Variants in NLRC3 observed in about 807,000 individuals in gnomAD.
NLRC3 encodes the protein NLR family CARD domain containing 3.
Under a neutral mutation model 91.6 loss-of-function variants are expected in NLRC3, and 87 were observed. The observed-to-expected ratio is 0.95, with a 90% CI of 0.80 to 1.14. NLRC3 has a LOEUF of 1.14. NLRC3 is among the 50% of genes most tolerant of loss of function. The pLI, the probability that NLRC3 is intolerant of heterozygous loss-of-function variation, is 0.00. For synonymous variants in NLRC3, 694 were observed against 625.3 expected (o/e 1.11, Z -1.64); for missense variants, 1,577 against 1,418.6 (o/e 1.11, Z -1.79).
At chr16:3,576,824 G>A (rs1596506567) in intron 1 of NLRC3, among the ~76,000 whole-genome samples, 1 of 152,178 alleles carries the variant, frequency 6.6e-6, no homozygotes, top group South Asian at 2.1e-4. Flanking sequence ...CTGCCAACAT[G>A]CCTGGCTAAT....
chr16:3,550,418 G>C lies in NLRC3; in HGVS notation c.2431C>G (p.Leu811Val), dbSNP rs1450392071. The C allele has an allele frequency of 1.2e-6, 2 of 1,608,512 alleles. No individual in the cohort carries two copies. The highest frequency in any genetic ancestry group is 1.7e-5 in the Admixed American group (1 of 59,990). Residue 811 changes from leucine (L) to valine (V), a missense_variant, in exon 11 of 20, where the codon CTG becomes GTG. Leu to Val is a conservative substitution (Grantham distance 32). Coordinates refer to ENST00000359128, the MANE Select transcript of NLRC3 (RefSeq NM_178844.4). ...CACCCTGGCAGGTGGACTCACTCCAGGCTCTCCAGGCCCTGGTTCACCTTC... is the reference window on the plus strand; with the variant it reads ...CACCCTGGCAGGTGGACTCACTCCACGCTCTCCAGGCCCTGGTTCACCTTC... ...ALKVNQGLES[L>V]DLQSNSISDA...
intron 3 of NLRC3, 122 bp from the exon 4 acceptor site, chr16:3,565,182 G>A (rs1279918150): frequency 1.3e-6 from 1 of 770,084 alleles, no homozygotes; most frequent in African/African-American, 1.7e-5. Context: ...CAGCCTTTGG[G>A]TGGCCCACTG....
chr16:3,543,467 A>T lies in NLRC3; in HGVS notation c.2897T>A (p.Leu966Gln). Residue 966 changes from leucine (L) to glutamine (Q), a missense_variant, in exon 17 of 20, where the codon CTA (leucine) becomes CAA (glutamine). Transcript: ENST00000359128. ...ASIGASGAQV[L>Q]GEALAVNRTL... is the part of the protein sequence containing the mutation. ...TCTGTTCACAGCCAAGGCTTCCCCTAGCACCTGGGCGCCTGAAGCACCAAT... is the reference window on the plus strand; with the variant it reads ...TCTGTTCACAGCCAAGGCTTCCCCTTGCACCTGGGCGCCTGAAGCACCAAT... 1.2e-6 allele frequency: 2 copies of T among 1,613,412 alleles called. No individual in the cohort carries two copies. The highest frequency in any genetic ancestry group is 1.7e-6 in the Non-Finnish European group (2 of 1,179,654).
chr16:3,558,951 T>A (rs1045421389), intron 6 of NLRC3, among the ~76,000 whole-genome samples: 3 of 152,160 alleles, frequency 2.0e-5, no homozygotes, highest in African/African-American at 7.2e-5. Context: ...TTTTAATTTT[T>A]TGCAGAGACA....
rs372831442 is a variant in NLRC3, at chr16:3,548,732, G to A, written c.2625C>T (p.His875=). The A allele has an allele frequency of 4.6e-5, 73 of 1,604,012 alleles. No individual in the cohort carries two copies. The highest frequency in any genetic ancestry group is 1.9e-4 in the Admixed American group (11 of 58,448). The stretch of plus-strand genomic sequence containing the variant: ...CTGCGATGGCCCGGGCACCCTGGTC[G>A]TGGAGGAGGTTGGCTGTCAGGCTAG... ...KNLDLTANLL[H]DQGARAIAVA... The change falls in exon 14 of 20, where the codon CAC becomes CAT. Residue 875 remains histidine (H), a synonymous_variant. Transcript: ENST00000359128.
intron 1 of NLRC3, among the ~76,000 whole-genome samples, chr16:3,567,749 G>A (rs1216178769): frequency 6.6e-5 from 7 of 105,384 alleles, no homozygotes; most frequent in Admixed American, 1.4e-4. Flanking sequence ...TCCAGCCTGG[G>A]CAACAGAGCG....
At chr16:3,562,876 A>C in intron 5 of NLRC3, 133 bp downstream of exon 5, 3 of 857,206 alleles carry the variant, frequency 3.5e-6, no homozygotes, top group Non-Finnish European at 5.7e-6. Context: ...AGTTGTTTTA[A>C]GCCACCAAGT....
At chr16:3,554,389 C>T in intron 8 of NLRC3, 64 bp from the exon 9 acceptor site, 1 of 1,260,462 alleles carries the variant, frequency 7.9e-7, no homozygotes. Flanking sequence ...GGTCTGAACT[C>T]TCTCTGCAGT....
chr16:3,560,103 C>G (rs933593670), intron 6 of NLRC3, among the ~76,000 whole-genome samples: 1 of 152,024 alleles, frequency 6.6e-6, no homozygotes, highest in Non-Finnish European at 1.5e-5. Flanking sequence ...ACTTCAGAAC[C>G]CAGAGGCTTG....
intron 6 of NLRC3, 140 bp from the exon 7 acceptor site, chr16:3,557,816 C>T: frequency 1.6e-6 from 1 of 620,948 alleles, no homozygotes; most frequent in Non-Finnish European, 2.9e-6. Flanking sequence ...GAGGTGACCC[C>T]TGGAGCAGAA....
intron 5 of NLRC3, 53 bp from the exon 6 acceptor site, chr16:3,561,841 G>T: frequency 7.4e-7 from 1 of 1,360,188 alleles, no homozygotes; most frequent in Non-Finnish European, 1.1e-6. Flanking sequence ...CGGGCAGGGT[G>T]GGGGCCCTGG....
chr16:3,563,142 C>T lies in NLRC3; in HGVS notation c.1795G>A (p.Ala599Thr), dbSNP rs373362956. Residue 599 changes from alanine to threonine, a missense_variant, in exon 5 of 20, where the codon GCG becomes ACG. Ala to Thr is a moderately conservative substitution (Grantham distance 58). Transcript: ENST00000359128. ...SGALARLTGP[A>T]HRAALAYLLQ... ...AGGTAGGCCAGGGCAGCGCGGTGCGCGGGACCAGTCAGCCTGGCCAGGGCC... is the reference window on the plus strand; with the variant it reads ...AGGTAGGCCAGGGCAGCGCGGTGCGTGGGACCAGTCAGCCTGGCCAGGGCC... The T allele has an allele frequency of 1.4e-5, 23 of 1,586,530 alleles. No homozygotes were observed. The highest frequency in any genetic ancestry group is 9.4e-5 in the African/African-American group (7 of 74,644).
chr16:3,543,085 G>A (rs1596422575), intron 17 of NLRC3: 1 of 490,878 alleles, frequency 2.0e-6, no homozygotes, highest in East Asian at 3.6e-5. Flanking sequence ...AGTGCTCCCA[G>A]CAAGGGCAGG....
At chr16:3,559,927 G>A (rs2039529040) in intron 6 of NLRC3, among the ~76,000 whole-genome samples, 1 of 152,088 alleles carries the variant, frequency 6.6e-6, no homozygotes, top group Non-Finnish European at 1.5e-5. Context: ...AAAGGCATGA[G>A]CCACCGCCCC....
rs199475933 is a variant in NLRC3, at chr16:3,564,970, C to T, written c.67G>A (p.Glu23Lys). ...AGATCCATGAGGGCTTTCACCTGCTCGGCTGGGGAGCCCGTACCGTGGCCC... is the reference window on the plus strand; with the variant it reads ...AGATCCATGAGGGCTTTCACCTGCTTGGCTGGGGAGCCCGTACCGTGGCCC... ...GQGHGTGSPAEQVKALMDLLA... is the reference protein window; with the variant it reads ...GQGHGTGSPAKQVKALMDLLA... The change falls in exon 4 of 20, where the codon GAG becomes AAG. Residue 23 changes from glutamate (E) to lysine (K), a missense_variant. Glu to Lys is a moderately conservative substitution (Grantham distance 56, BLOSUM62 1). Coordinates refer to ENST00000359128, the MANE Select transcript of NLRC3 (RefSeq NM_178844.4). This position sits in a 1 kb window ranked among gnomAD's most constrained non-coding sequence, Gnocchi z 5.9. 323 of 1,610,576 alleles carry T rather than the reference C, an allele frequency of 2.0e-4. 2 individuals carry two copies. In the African/African-American group the frequency reaches 2.9e-3, roughly 14 times the overall value.
In NLRC3 at chr16:3,577,185, C is replaced by A; in HGVS notation, c.-205G>T. 1 of 703,044 alleles carries A rather than the reference C, an allele frequency of 1.4e-6. No individual in the cohort carries two copies. The highest frequency in any genetic ancestry group is 2.7e-5 in the East Asian group (1 of 37,290). 43.6% of individuals were successfully genotyped at this position (703,044 alleles called of 1,614,324 possible). A position where few individuals can be genotyped will look rare whatever the true frequency, so the allele number is the denominator to read the frequency against. On this transcript the variant is annotated 5_prime_UTR_variant, in exon 1 of 20. Transcript: ENST00000359128. The stretch of plus-strand genomic sequence containing the variant: ...CGATGCTGCTCCAGGGACAGCAAGA[C>A]TGGGGGGCCTGGGGGCGTCCATCTC...
intron 15 of NLRC3, among the ~76,000 whole-genome samples, chr16:3,546,543 C>G (rs1038846539): frequency 1.2e-4 from 19 of 152,004 alleles, no homozygotes; most frequent in Non-Finnish European, 2.4e-4. Flanking sequence ...GGCAACAGAG[C>G]GAGACTCCAT....
chr16:3,569,717 T>G (rs2151106192), intron 1 of NLRC3, among the ~76,000 whole-genome samples: 1 of 151,980 alleles, frequency 6.6e-6, no homozygotes, highest in South Asian at 2.1e-4. Context: ...TAACTCTTAT[T>G]TTGAACAATT....
intron 7 of NLRC3, 117 bp downstream of exon 7, chr16:3,557,476 G>A (rs1302467884): frequency 1.6e-6 from 1 of 640,158 alleles, no homozygotes; most frequent in South Asian, 1.9e-5. Flanking sequence ...TGGGAATCAG[G>A]GAAGAACAGA....
Sources: allele counts gnomAD v4.1 joint callset (sites outside exome capture counted in the v4.1 genomes callset), GRCh38; gene constraint gnomAD v4.1.1; non-coding constraint Gnocchi (gnomAD v3.1); transcripts MANE v1.5; gene names NCBI Gene and HGNC (gene_info 2026-07-23, HGNC 2026-07-21).